ATP8A2: variants seen among roughly 807,000 people sequenced by gnomAD.
ATP8A2 encodes the protein ATPase phospholipid transporting 8A2.
In ATP8A2, 100 loss-of-function variants were observed where a neutral mutation model predicts 165.6. That is an observed-to-expected ratio of 0.60 (90% CI 0.51 to 0.71). The LOEUF (loss-of-function observed/expected upper bound fraction) is 0.71, where lower values mean the gene tolerates loss of function less well. ATP8A2 is among the 30% of genes least tolerant of loss of function. The pLI is 0.00. For synonymous variants in ATP8A2, 543 were observed against 548.8 expected, an observed-to-expected ratio of 0.99 and a Z score of 0.15; for missense variants, 1,227 against 1,479.5, an observed-to-expected ratio of 0.83 and a Z score of 2.80.
chr13:25,704,329 A>T (rs913642494), intron 25 of ATP8A2, among the ~76,000 whole-genome samples: 4 of 143,254 alleles, frequency 2.8e-5, no homozygotes, highest in Non-Finnish European at 4.6e-5. Context: ...ATCCAACCAC[A>T]TCTAGGACTT....
intron 1 of ATP8A2, among the ~76,000 whole-genome samples, chr13:25,396,103 A>T (rs1374516862): frequency 6.6e-6 from 1 of 152,110 alleles, no homozygotes; most frequent in African/African-American, 2.4e-5. Flanking sequence ...TGGCCTCCCA[A>T]AGTGCTGAGA....
chr13:25,634,090 G>T (rs184589693), intron 24 of ATP8A2, among the ~76,000 whole-genome samples: 9 of 152,116 alleles, frequency 5.9e-5, no homozygotes, highest in Non-Finnish European at 1.2e-4. Context: ...CTTTAATGCT[G>T]TATCTAAATA....
intron 35 of ATP8A2, among the ~76,000 whole-genome samples, chr13:25,974,259 C>T (rs1195462122): frequency 6.6e-6 from 1 of 152,188 alleles, no homozygotes; most frequent in Non-Finnish European, 1.5e-5. Flanking sequence ...GTTCAGGAAG[C>T]GTCCCCTAAC....
Position 25,564,146 on chromosome 13 carries a change from TTGA to T in ATP8A2, c.1473+121_1473+123del, listed in dbSNP as rs1349553673. On this transcript the variant is annotated intron_variant, in intron 16 of 36. Transcript: ENST00000381655. ...TTTAGAGCATGGGAAAAGTCTCGAC[TTGA>T]TGATGTGAGTCCTTCTGAGAAGTGA... 58 of 743,656 alleles carry T rather than the reference TTGA, an allele frequency of 7.8e-5. 2 individuals carry two copies. In the South Asian group the frequency reaches 7.8e-4, roughly 10 times the overall value. 46.1% of individuals were successfully genotyped at this position (743,656 alleles called of 1,614,324 possible). A position where few individuals can be genotyped will look rare whatever the true frequency, so the allele number is the denominator to read the frequency against.
chr13:25,964,403 A>C (rs1487960519), intron 34 of ATP8A2, among the ~76,000 whole-genome samples: 3 of 152,166 alleles, frequency 2.0e-5, no homozygotes, highest in Non-Finnish European at 4.4e-5. Context: ...ATTATGTCTC[A>C]TATTATGCTC....
Position 25,372,530 on chromosome 13 carries a change from C to T in ATP8A2, c.76+242C>T, listed in dbSNP as rs940608645. Among the ~76,000 whole-genome samples, 2 of 152,138 alleles carry T rather than the reference C, an allele frequency of 1.3e-5. No homozygotes were observed. The highest frequency in any genetic ancestry group is 2.9e-5 in the Non-Finnish European group (2 of 68,002). On this transcript the variant is annotated intron_variant, in intron 1 of 36. Coordinates refer to ENST00000381655, the MANE Select transcript of ATP8A2 (RefSeq NM_016529.6). This position sits in a 1 kb window ranked among gnomAD's most constrained non-coding sequence, Gnocchi z 4.8. ...AGGTGAGCGGCGGGCGTCAGAGACC[C>T]CCGGCTCGTCCCTGTACAGATGTGT...
At chr13:25,701,733 C>T (rs1593220627) in intron 25 of ATP8A2, among the ~76,000 whole-genome samples, 1 of 132,216 alleles carries the variant, frequency 7.6e-6, no homozygotes, top group African/African-American at 2.7e-5. Context: ...AACACACACA[C>T]ACACACACAC....
At position 25,959,538 on chromosome 13, in the gene ATP8A2, G is replaced by A. The variant is rs567768439; in HGVS notation, c.3184-2037G>A. Among the ~76,000 whole-genome samples the A allele has an allele frequency of 9.2e-5, 14 of 152,322 alleles. No individual in the cohort carries two copies. In the South Asian group the frequency reaches 2.9e-3, roughly 32 times the overall value. On this transcript the variant is annotated intron_variant, in intron 33 of 36. Coordinates refer to ENST00000381655, the MANE Select transcript of ATP8A2 (RefSeq NM_016529.6). ...AAATGTGTAATAAAGATGTGTACGTGTGGGTGTACCTCATCTAGGGGTGAC... is the reference window on the plus strand; with the variant it reads ...AAATGTGTAATAAAGATGTGTACGTATGGGTGTACCTCATCTAGGGGTGAC...
At chr13:25,944,057 G>A (rs1955144339) in intron 33 of ATP8A2, among the ~76,000 whole-genome samples, 1 of 152,236 alleles carries the variant, frequency 6.6e-6, no homozygotes, top group Non-Finnish European at 1.5e-5. Flanking sequence ...GGTAAAGTCA[G>A]ACTAGGATTA....
At chr13:25,383,657 C>T (rs2032936014) in intron 1 of ATP8A2, among the ~76,000 whole-genome samples, 1 of 152,012 alleles carries the variant, frequency 6.6e-6, no homozygotes, top group South Asian at 2.1e-4. Context: ...TTTTGCTTAC[C>T]TTTTTGAAAT....
At chr13:25,807,523 G>A (rs1950768747) in intron 27 of ATP8A2, among the ~76,000 whole-genome samples, 1 of 152,102 alleles carries the variant, frequency 6.6e-6, no homozygotes, top group Non-Finnish European at 1.5e-5. Flanking sequence ...TGGACTCTCA[G>A]TTCTATCCCA....
chr13:25,474,792 T>C (rs1440837709), intron 2 of ATP8A2, among the ~76,000 whole-genome samples: 3 of 150,550 alleles, frequency 2.0e-5, no homozygotes, highest in Non-Finnish European at 4.4e-5. Flanking sequence ...GTACAGATTA[T>C]TTCATCACCC....
chr13:25,644,777 T>G (rs1593125718), intron 24 of ATP8A2, among the ~76,000 whole-genome samples: 1 of 152,300 alleles, frequency 6.6e-6, no homozygotes, highest in East Asian at 1.9e-4. Context: ...GATTCAGTCC[T>G]AATAAGTTGT....
intron 21 of ATP8A2, among the ~76,000 whole-genome samples, chr13:25,579,580 C>T (rs2039712440): frequency 6.6e-6 from 1 of 152,188 alleles, no homozygotes; most frequent in Non-Finnish European, 1.5e-5. Context: ...ATTCACTCTT[C>T]TGACTTCTCG....
chr13:25,860,148 C>T (rs781613728), intron 30 of ATP8A2, 47 bp from the exon 31 acceptor site: 3 of 1,289,972 alleles, frequency 2.3e-6, no homozygotes, highest in Non-Finnish European at 3.4e-6. Context: ...AAATAGGTGG[C>T]CATGCTCAGC....
At chr13:25,716,741 G>A (rs2043263581) in intron 25 of ATP8A2, among the ~76,000 whole-genome samples, 1 of 152,124 alleles carries the variant, frequency 6.6e-6, no homozygotes. Context: ...TCCAGGCACT[G>A]GAACTATGAT....
At chr13:25,598,782 T>C (rs2040303760) in intron 24 of ATP8A2, among the ~76,000 whole-genome samples, 1 of 152,214 alleles carries the variant, frequency 6.6e-6, no homozygotes, top group Admixed American at 6.5e-5. Flanking sequence ...TTTGCATGTC[T>C]AGTAATTTTT....
At chr13:25,898,296 G>C (rs1433746476) in intron 33 of ATP8A2, among the ~76,000 whole-genome samples, 1 of 152,206 alleles carries the variant, frequency 6.6e-6, no homozygotes, top group African/African-American at 2.4e-5. Flanking sequence ...GTCCACTCCA[G>C]ACCCTGTTTG....
chr13:25,762,854 C>A (rs2044411335), intron 25 of ATP8A2, among the ~76,000 whole-genome samples: 1 of 152,166 alleles, frequency 6.6e-6, no homozygotes, highest in Admixed American at 6.5e-5. Context: ...AAGAAATGTA[C>A]TGATTAAATA....
Sources: gnomAD v4.1 joint callset for allele counts (sites outside exome capture counted in the v4.1 genomes callset) on GRCh38, gnomAD v4.1.1 for gene constraint, Gnocchi (gnomAD v3.1) non-coding constraint, MANE v1.5 for transcripts, NCBI Gene and HGNC (gene_info 2026-07-23, HGNC 2026-07-21) for gene names.